The following ADAMTSL1 variants were observed in gnomAD, a reference collection of about 807,000 sequenced individuals.
The protein encoded by ADAMTSL1 is ADAMTS like 1.
ADAMTSL1 carries 126 observed loss-of-function variants against 201.8 expected under a neutral mutation model. The observed-to-expected ratio is 0.62, with a 90% CI of 0.54 to 0.72. The LOEUF is 0.72. ADAMTSL1 is among the 30% of genes least tolerant of loss of function. The probability of loss-of-function intolerance (pLI) is 0.00; values close to 1 mark genes in which losing one functional copy is unlikely to be tolerated. For synonymous variants in ADAMTSL1, 1,121 were observed against 903.4 expected, an observed-to-expected ratio of 1.24 and a Z score of -4.32; for missense variants, 2,679 against 2,277.8, an observed-to-expected ratio of 1.18 and a Z score of -3.59.
rs200656929 is a variant in ADAMTSL1, at chr9:18,359,190, C to CT, written c.208-145638dup. Among the ~76,000 whole-genome samples the CT allele has an allele frequency of 4.5e-3, 691 of 152,266 alleles. 4 individuals are homozygous for CT. Among genetic ancestry groups the CT allele is most frequent in the African/African-American group, 0.016 (658 of 41,552 alleles). On this transcript the variant is annotated intron_variant, in intron 2 of 29. Transcript: ENST00000680146. Reference sequence around the variant, plus strand: ...TGACTTTTTTAGTACAAAATAAGCTCTGGTCCTGCACTTACTTATTAAGGA... The same window carrying CT: ...TGACTTTTTTAGTACAAAATAAGCTCTTGGTCCTGCACTTACTTATTAAGGA...
chr9:18,479,711 G>T (rs1220855740), intron 1 of ADAMTSL1, among the ~76,000 whole-genome samples: 1 of 152,138 alleles, frequency 6.6e-6, no homozygotes, highest in Non-Finnish European at 1.5e-5. Flanking sequence ...GGTGTGACTT[G>T]TTCCTCCTGC....
chr9:18,448,609 G>A (rs1451296947), intron 2 of ADAMTSL1, among the ~76,000 whole-genome samples: 1 of 152,160 alleles, frequency 6.6e-6, no homozygotes, highest in Non-Finnish European at 1.5e-5. Flanking sequence ...AATTGTAGAT[G>A]TTTCTGCTAG....
intron 2 of ADAMTSL1, among the ~76,000 whole-genome samples, chr9:18,252,945 T>C (rs1831524213): frequency 6.6e-6 from 1 of 152,224 alleles, no homozygotes. Flanking sequence ...GTTTATTACC[T>C]CATTATCTTC....
intron 23 of ADAMTSL1, among the ~76,000 whole-genome samples, chr9:18,871,001 C>G (rs1827844826): frequency 6.6e-6 from 1 of 152,056 alleles, no homozygotes; most frequent in Non-Finnish European, 1.5e-5. Context: ...CTTAATAACC[C>G]AGTTGTTAGT....
chr9:18,661,010 G>A (rs571497655), intron 8 of ADAMTSL1, among the ~76,000 whole-genome samples: 3 of 151,984 alleles, frequency 2.0e-5, no homozygotes, highest in African/African-American at 2.4e-5. Flanking sequence ...AATGTATTTG[G>A]CAGATTGATT....
chr9:18,195,006 G>GTT, intron 2 of ADAMTSL1, among the ~76,000 whole-genome samples: 1 of 152,238 alleles, frequency 6.6e-6, no homozygotes, highest in East Asian at 1.9e-4. Context: ...TGAAAGACTA[G>GTT]TAATCAGTCC....
intron 2 of ADAMTSL1, among the ~76,000 whole-genome samples, chr9:18,284,455 A>C (rs78850915): frequency 0.015 from 2,302 of 152,226 alleles, 67 homozygotes; most frequent in African/African-American, 0.053. Flanking sequence ...ATGATGTGAT[A>C]TTTCAGAATT....
At chr9:18,288,500 A>T (rs996219805) in intron 2 of ADAMTSL1, among the ~76,000 whole-genome samples, 1 of 152,178 alleles carries the variant, frequency 6.6e-6, no homozygotes, top group African/African-American at 2.4e-5. Context: ...TATTGTATAC[A>T]TTACTTAGGT....
intron 5 of ADAMTSL1, among the ~76,000 whole-genome samples, chr9:18,629,336 G>A (rs1826595256): frequency 6.6e-6 from 1 of 152,122 alleles, no homozygotes; most frequent in Non-Finnish European, 1.5e-5. Context: ...ATCTTAAGAG[G>A]AAAGCATTCA....
At chr9:18,596,266 T>A (rs1824256444) in intron 4 of ADAMTSL1, among the ~76,000 whole-genome samples, 1 of 152,170 alleles carries the variant, frequency 6.6e-6, no homozygotes, top group African/African-American at 2.4e-5. Flanking sequence ...AATTGTGTAG[T>A]GATGAGATTC....
chr9:18,485,452 C>G (rs1309780220), intron 1 of ADAMTSL1, among the ~76,000 whole-genome samples: 1 of 152,176 alleles, frequency 6.6e-6, no homozygotes, highest in African/African-American at 2.4e-5. Flanking sequence ...GACAGTCTTA[C>G]TCCCCAGGAA....
intron 1 of ADAMTSL1, among the ~76,000 whole-genome samples, chr9:18,488,152 G>C (rs1325000986): frequency 1.3e-5 from 2 of 152,154 alleles, no homozygotes; most frequent in East Asian, 1.9e-4. Context: ...CCTATCATCT[G>C]ATGTGGATTA....
chr9:18,791,096 T>A (rs1044327067), intron 19 of ADAMTSL1, among the ~76,000 whole-genome samples: 1 of 152,194 alleles, frequency 6.6e-6, no homozygotes, highest in African/African-American at 2.4e-5. Context: ...CGAATTAAGC[T>A]AAATTAATAG....
chr9:18,450,725 T>C (rs1820371680), intron 2 of ADAMTSL1, among the ~76,000 whole-genome samples: 1 of 152,172 alleles, frequency 6.6e-6, no homozygotes, highest in Admixed American at 6.5e-5. Context: ...TTGTTGTCAC[T>C]AGACAACCTC....
intron 2 of ADAMTSL1, among the ~76,000 whole-genome samples, chr9:18,177,548 C>T (rs1029036817): frequency 6.6e-6 from 1 of 152,136 alleles, no homozygotes. Flanking sequence ...ATCAAAGGTG[C>T]TAGGGACACA....
At chr9:18,802,679 T>C (rs1367301852) in intron 20 of ADAMTSL1, among the ~76,000 whole-genome samples, 4 of 152,214 alleles carry the variant, frequency 2.6e-5, no homozygotes, top group African/African-American at 7.2e-5. Context: ...TTCACGTACA[T>C]GTTTTTATGT....
At chr9:18,209,782 C>G (rs1829795812) in intron 2 of ADAMTSL1, among the ~76,000 whole-genome samples, 1 of 152,096 alleles carries the variant, frequency 6.6e-6, no homozygotes. Flanking sequence ...TGAGTGACAT[C>G]ATAGTGGATA....
intron 1 of ADAMTSL1, among the ~76,000 whole-genome samples, chr9:18,480,898 G>C (rs954838483): frequency 3.9e-5 from 6 of 152,076 alleles, no homozygotes; most frequent in South Asian, 2.1e-4. Context: ...AGAAAATGAG[G>C]AAAGAAAACC....
At position 18,639,516 on chromosome 9, in the gene ADAMTSL1, G is replaced by C. The variant is rs1827314007; in HGVS notation, c.834+105G>C. On this transcript the variant is annotated intron_variant, in intron 7 of 28. Coordinates refer to ENST00000380548, the MANE Select transcript of ADAMTSL1 (RefSeq NM_001040272.6). Reference sequence around the variant, plus strand: ...TTTGGTTCTGACATATGTTTGGAAAGCCCGTTTGTTACCCAGGAAATGTTT... The same window carrying C: ...TTTGGTTCTGACATATGTTTGGAAACCCCGTTTGTTACCCAGGAAATGTTT... 8.1e-6 allele frequency: 11 copies of C among 1,357,254 alleles called. No individual in the cohort carries two copies. In the South Asian group the frequency reaches 1.6e-4, roughly 20 times the overall value. 84.1% of individuals were successfully genotyped at this position (1,357,254 alleles called of 1,614,324 possible).
Sources: gnomAD v4.1 joint callset for allele counts (sites outside exome capture counted in the v4.1 genomes callset) on GRCh38, gnomAD v4.1.1 for gene constraint, MANE v1.5 for transcripts, NCBI Gene and HGNC (gene_info 2026-07-23, HGNC 2026-07-21) for gene names.